The following PDZRN4 variants were observed in gnomAD, a reference collection of about 807,000 sequenced individuals.
PDZRN4 encodes PDZ domain-containing RING finger protein 4.
PDZRN4 carries 70 observed loss-of-function variants against 99.0 expected under a neutral mutation model. The ratio of observed to expected loss-of-function variants is 0.71; its 90% CI spans 0.58 to 0.86. The LOEUF is 0.86. PDZRN4 is among the 40% of genes least tolerant of loss of function. PDZRN4 has a pLI of 0.00. For synonymous variants in PDZRN4, 551 were observed against 501.6 expected, an observed-to-expected ratio of 1.10 and a Z score of -1.32; for missense variants, 1,474 against 1,331.2, an observed-to-expected ratio of 1.11 and a Z score of -1.67.
At position 41,206,939 on chromosome 12, in the gene PDZRN4, A is replaced by G. The variant is rs548394003; in HGVS notation, c.843+12751A>G. On this transcript the variant is annotated intron_variant, in intron 3 of 9. Transcript: ENST00000402685. The stretch of plus-strand genomic sequence containing the variant: ...TAGAGGGACCAGTCTTACACTGTCT[A>G]TTTTGCTTCGCAATTCTTTGTTATA... Among the ~76,000 whole-genome samples, 10 of 152,046 alleles carry G rather than the reference A, an allele frequency of 6.6e-5. No individual in the cohort carries two copies. In the South Asian group the frequency reaches 1.7e-3, roughly 25 times the overall value.
intron 3 of PDZRN4, among the ~76,000 whole-genome samples, chr12:41,197,909 G>GT (rs1359539970): frequency 2.6e-5 from 1 of 39,168 alleles, no homozygotes; most frequent in Non-Finnish European, 5.1e-5. Context: ...TCTTTTCCTT[G>GT]TTTTTTCTGG....
intron 5 of PDZRN4, among the ~76,000 whole-genome samples, chr12:41,542,625 G>A (rs963010677): frequency 3.9e-5 from 6 of 152,118 alleles, no homozygotes; most frequent in Non-Finnish European, 5.9e-5. Context: ...TTGAAGAACA[G>A]TATCAGCATG....
rs1419780143 is a variant in PDZRN4 at position 41,573,234 on chromosome 12, C to A, written c.2455C>A (p.Gln819Lys). ...KVLEGSKLPD[Q>K]EKAVSEHIPY... ...TTTAGAAGGCAGCAAGCTTCCTGAT[C>A]AAGAGAAGGCAGTCAGCGAACACAT... Residue 819 changes from glutamine to lysine, a missense_variant, in exon 10 of 10, where the codon CAA becomes AAA. Physicochemically the swap from Gln to Lys is moderately conservative, Grantham distance 53. Coordinates refer to ENST00000402685, the MANE Select transcript of PDZRN4 (RefSeq NM_001164595.2). 1.2e-6 allele frequency: 2 copies of A among 1,614,084 alleles called. No individual in the cohort carries two copies. The highest frequency in any genetic ancestry group is 1.7e-6 in the Non-Finnish European group (2 of 1,180,018).
At chr12:41,364,531 TA>T (rs1218700083) in intron 3 of PDZRN4, among the ~76,000 whole-genome samples, 7 of 152,138 alleles carry the variant, frequency 4.6e-5, no homozygotes, top group African/African-American at 1.7e-4. Flanking sequence ...GTAGATTTAT[TA>T]AGAGCTTTAC....
At chr12:41,322,834 G>A (rs946640886) in intron 3 of PDZRN4, among the ~76,000 whole-genome samples, 1 of 151,860 alleles carries the variant, frequency 6.6e-6, no homozygotes, top group Non-Finnish European at 1.5e-5. Context: ...TTCATTTAAA[G>A]GAATCTGAAT....
At chr12:41,343,060 C>T (rs1368234858) in intron 3 of PDZRN4, among the ~76,000 whole-genome samples, 1 of 151,870 alleles carries the variant, frequency 6.6e-6, no homozygotes, top group South Asian at 2.1e-4. Flanking sequence ...GAATAAAATA[C>T]TATCATTTGT....
intron 3 of PDZRN4, among the ~76,000 whole-genome samples, chr12:41,381,449 C>T (rs2121102112): frequency 6.6e-6 from 1 of 151,910 alleles, no homozygotes; most frequent in East Asian, 1.9e-4. Flanking sequence ...TGCTATTCTT[C>T]CTGGATAATT....
chr12:41,369,203 T>C (rs1195692255), intron 3 of PDZRN4, among the ~76,000 whole-genome samples: 1 of 152,142 alleles, frequency 6.6e-6, no homozygotes, highest in East Asian at 1.9e-4. Context: ...AGATAATGTT[T>C]CTAGGTACTA....
chr12:41,355,363 C>T (rs1457633613), intron 3 of PDZRN4, among the ~76,000 whole-genome samples: 1 of 151,998 alleles, frequency 6.6e-6, no homozygotes, highest in Non-Finnish European at 1.5e-5. Context: ...CCTTTTCTAG[C>T]AGTTATCTGT....
chr12:41,528,480 T>C (rs1403750889), intron 5 of PDZRN4, among the ~76,000 whole-genome samples: 2 of 152,208 alleles, frequency 1.3e-5, no homozygotes, highest in Non-Finnish European at 2.9e-5. Context: ...AGCCAAATTC[T>C]TAATAGAGCA....
chr12:41,271,506 T>C (rs1951314242), intron 3 of PDZRN4, among the ~76,000 whole-genome samples: 2 of 152,164 alleles, frequency 1.3e-5, no homozygotes, highest in Non-Finnish European at 2.9e-5. Context: ...TTTGGTCTAG[T>C]CTGTTTTAAC....
At chr12:41,189,349 TC>T (rs1470330931) in intron 1 of PDZRN4, among the ~76,000 whole-genome samples, 1 of 152,050 alleles carries the variant, frequency 6.6e-6, no homozygotes, top group Non-Finnish European at 1.5e-5. Flanking sequence ...ATTCTAACTT[TC>T]CCCCGGGAAA....
chr12:41,514,126 G>A (rs1938355884), intron 5 of PDZRN4, among the ~76,000 whole-genome samples: 1 of 152,064 alleles, frequency 6.6e-6, no homozygotes, highest in African/African-American at 2.4e-5. Flanking sequence ...GGTATTAAAA[G>A]TGGAAAAGAG....
intron 1 of PDZRN4, among the ~76,000 whole-genome samples, chr12:41,189,590 T>G (rs1264179305): frequency 6.6e-6 from 1 of 152,090 alleles, no homozygotes; most frequent in Non-Finnish European, 1.5e-5. Flanking sequence ...GGTGTCAGCG[T>G]TGATGACACT....
At chr12:41,276,292 C>G (rs1951349391) in intron 3 of PDZRN4, among the ~76,000 whole-genome samples, 2 of 151,968 alleles carry the variant, frequency 1.3e-5, no homozygotes, top group Non-Finnish European at 2.9e-5. Context: ...GGACCTAATA[C>G]AAGAAAGCAG....
chr12:41,514,225 T>G (rs997046379), intron 5 of PDZRN4, among the ~76,000 whole-genome samples: 1 of 152,042 alleles, frequency 6.6e-6, no homozygotes, highest in Non-Finnish European at 1.5e-5. Context: ...GCACTTAGCA[T>G]ATTAATTAGC....
intron 3 of PDZRN4, among the ~76,000 whole-genome samples, chr12:41,240,453 A>C (rs1158757494): frequency 6.6e-6 from 1 of 152,202 alleles, no homozygotes; most frequent in Non-Finnish European, 1.5e-5. Flanking sequence ...GAAGTAGCTG[A>C]AGAGGCATTT....
intron 3 of PDZRN4, among the ~76,000 whole-genome samples, chr12:41,245,044 A>T (rs1377593805): frequency 6.6e-6 from 1 of 152,050 alleles, no homozygotes; most frequent in Non-Finnish European, 1.5e-5. Flanking sequence ...ATGGCACCTT[A>T]TCAGGGAGAT....
intron 9 of PDZRN4, 77 bp downstream of exon 9, chr12:41,567,976 G>A: frequency 2.4e-6 from 2 of 821,314 alleles, no homozygotes; most frequent in Non-Finnish European, 3.9e-6. Flanking sequence ...AAATGAAGAT[G>A]AAAACAAAAT....
Sources: allele counts gnomAD v4.1 joint callset (sites outside exome capture counted in the v4.1 genomes callset), GRCh38; gene constraint gnomAD v4.1.1; transcripts MANE v1.5; gene names NCBI Gene and HGNC (gene_info 2026-07-23, HGNC 2026-07-21).